The following NXPE1 variants were observed in gnomAD, a reference collection of about 807,000 sequenced individuals.
NXPE1 encodes NXPE family member 1.
In NXPE1, 31 loss-of-function variants were observed where a neutral mutation model predicts 33.3. That is an observed-to-expected ratio of 0.93 (90% CI 0.70 to 1.26). NXPE1 has a LOEUF of 1.26. Ranked by LOEUF, NXPE1 falls within the 50% of genes most tolerant of loss-of-function variation. The pLI, the probability that NXPE1 is intolerant of heterozygous loss-of-function variation, is 0.00. For missense variants in NXPE1, 661 were observed against 655.6 expected (o/e 1.01, Z -0.09); for synonymous variants, 229 against 231.4 (o/e 0.99, Z 0.09).
chr11:114,525,646 G>GT (rs1484499960), intron 7 of NXPE1, among the ~76,000 whole-genome samples: 1 of 152,266 alleles, frequency 6.6e-6, no homozygotes, highest in Admixed American at 6.5e-5. Flanking sequence ...CACAGTGAAG[G>GT]TCACAACATA....
intron 5 of NXPE1, among the ~76,000 whole-genome samples, chr11:114,534,413 C>A (rs1029446076): frequency 6.6e-6 from 1 of 152,182 alleles, no homozygotes; most frequent in African/African-American, 2.4e-5. Flanking sequence ...TCCTCACCAG[C>A]AACAGAACAA....
chr11:114,559,514 T>C (rs935499392), intron 1 of NXPE1, among the ~76,000 whole-genome samples: 2 of 152,196 alleles, frequency 1.3e-5, no homozygotes, highest in African/African-American at 4.8e-5. Flanking sequence ...CACTGGGGAC[T>C]TTTGCTGGTT....
intron 7 of NXPE1, chr11:114,526,603 G>A (rs1299678412): frequency 1.3e-5 from 2 of 152,108 alleles, no homozygotes; most frequent in Non-Finnish European, 2.9e-5. Flanking sequence ...TTCATGATTA[G>A]GTTCTTCCTC....
At chr11:114,558,208 G>A (rs1257410129) in intron 1 of NXPE1, among the ~76,000 whole-genome samples, 1 of 151,962 alleles carries the variant, frequency 6.6e-6, no homozygotes, top group Non-Finnish European at 1.5e-5. Context: ...GTGTTTATGT[G>A]TGTGTGTATA....
chr11:114,537,809 A>G (rs1233350428), intron 5 of NXPE1, among the ~76,000 whole-genome samples: 15 of 151,972 alleles, frequency 9.9e-5, no homozygotes, highest in Middle Eastern at 3.2e-3. Flanking sequence ...AGAACATTCC[A>G]TGCTCATGGG....
At chr11:114,543,079 G>C (rs1948156836) in intron 5 of NXPE1, among the ~76,000 whole-genome samples, 1 of 152,024 alleles carries the variant, frequency 6.6e-6, no homozygotes. Flanking sequence ...AATATGGCAA[G>C]ACTGTCTCTA....
chr11:114,524,677 T>A (rs1321192266), intron 7 of NXPE1, among the ~76,000 whole-genome samples: 1 of 152,218 alleles, frequency 6.6e-6, no homozygotes. Flanking sequence ...ATCCTAATAA[T>A]GTACTGGCAC....
At chr11:114,530,115 A>G in intron 6 of NXPE1, 60 bp downstream of exon 6, 1 of 1,499,122 alleles carries the variant, frequency 6.7e-7, no homozygotes, top group Non-Finnish European at 9.0e-7. Context: ...TGGGCAATGT[A>G]GCTCTGACTG....
At chr11:114,528,012 T>C (rs1947433250) in intron 6 of NXPE1, 111 bp from the exon 7 acceptor site, 1 of 664,784 alleles carries the variant, frequency 1.5e-6, no homozygotes. Flanking sequence ...AACTGGAAGC[T>C]GTTATTATTG....
At chr11:114,539,170 A>G (rs1947979691) in intron 5 of NXPE1, among the ~76,000 whole-genome samples, 1 of 152,116 alleles carries the variant, frequency 6.6e-6, no homozygotes, top group Non-Finnish European at 1.5e-5. Flanking sequence ...ATTCTGAGCA[A>G]ACTATCACAA....
intron 5 of NXPE1, among the ~76,000 whole-genome samples, chr11:114,550,229 A>C (rs1948427834): frequency 6.6e-6 from 1 of 152,178 alleles, no homozygotes; most frequent in Non-Finnish European, 1.5e-5. Context: ...GTTCACTTGA[A>C]AGGATAAGTG....
At chr11:114,557,665 ATATATAT>A (rs1948688062) in intron 1 of NXPE1, among the ~76,000 whole-genome samples, 15 of 106,892 alleles carry the variant, frequency 1.4e-4, no homozygotes, top group Middle Eastern at 4.5e-3. Flanking sequence ...ATATATATAT[ATATATAT>A]AAAATCCTTG....
intron 5 of NXPE1, among the ~76,000 whole-genome samples, chr11:114,538,797 A>T (rs1169698837): frequency 6.6e-6 from 1 of 152,150 alleles, no homozygotes; most frequent in African/African-American, 2.4e-5. Context: ...GGTGCTGGAG[A>T]GGATGTGGAG....
chr11:114,543,793 TG>T (rs1465332512), intron 5 of NXPE1, among the ~76,000 whole-genome samples: 4 of 152,092 alleles, frequency 2.6e-5, no homozygotes, highest in Non-Finnish European at 5.9e-5. Flanking sequence ...AAAGTAAAGC[TG>T]TTTTTATTAA....
chr11:114,547,169 A>G (rs533852202), intron 5 of NXPE1, among the ~76,000 whole-genome samples: 5 of 152,306 alleles, frequency 3.3e-5, no homozygotes, highest in Admixed American at 2.0e-4. Context: ...CTTACTGTGG[A>G]GAAACCTGAT....
At chr11:114,530,642 C>T (rs771902034) in exon 6 of NXPE1, 2 of 1,614,182 alleles carry the variant, frequency 1.2e-6, no homozygotes, top group Admixed American at 3.3e-5. Context: ...CCCTCACCTC[C>T]AGTAGGATGT....
rs753307968 is a variant in NXPE1, at chr11:114,523,079, A to AT, written c.907dup (p.Ile303AsnfsTer37). 5 of 1,612,120 alleles carry AT rather than the reference A, an allele frequency of 3.1e-6. No individual in the cohort carries two copies. Among genetic ancestry groups the AT allele is most frequent in the East Asian group, 2.2e-5 (1 of 44,836 alleles). On this transcript the variant is annotated frameshift_variant, in exon 8 of 9. Transcript: ENST00000534921. LOFTEE classifies it high-confidence loss of function. ...CATTCCAACTTGGCATGTCTCTTCT[A>AT]TTTTTTCTCTCTCTGGTAACAAAGA...
At chr11:114,543,228 C>G (rs35567430) in intron 5 of NXPE1, among the ~76,000 whole-genome samples, 3,719 of 152,142 alleles carry the variant, frequency 0.024, 75 homozygotes, top group South Asian at 0.043. Flanking sequence ...TGGTGGCGGG[C>G]AGCTGTAATC....
intron 5 of NXPE1, among the ~76,000 whole-genome samples, chr11:114,544,912 T>A (rs1244205665): frequency 1.3e-5 from 2 of 152,128 alleles, no homozygotes; most frequent in Non-Finnish European, 2.9e-5. Context: ...AAGATCTGAA[T>A]GGACACCTCA....
Sources: allele counts gnomAD v4.1 joint callset (sites outside exome capture counted in the v4.1 genomes callset), GRCh38; gene constraint gnomAD v4.1.1; transcripts MANE v1.5; gene names NCBI Gene and HGNC (gene_info 2026-07-23, HGNC 2026-07-21).